The following TULP4 variants were observed in gnomAD, a reference collection of about 807,000 sequenced individuals.
TULP4 encodes the protein TUB like protein 4, also known as tubby-related protein 4.
Under a neutral mutation model 129.0 loss-of-function variants are expected in TULP4, and 16 were observed. The observed-to-expected ratio is 0.12, with a 90% CI of 0.08 to 0.19. The LOEUF (loss-of-function observed/expected upper bound fraction) is 0.19, where lower values mean the gene tolerates loss of function less well. TULP4 is among the 10% of genes least tolerant of loss of function. The pLI is 1.00. For missense variants in TULP4, 1,842 were observed against 2,059.1 expected (o/e 0.89, Z 2.04); for synonymous variants, 998 against 854.0 (o/e 1.17, Z -2.94).
At chr6:158,273,392 C>T (rs920722521) in intron 1 of TULP4, among the ~76,000 whole-genome samples, 1 of 152,166 alleles carries the variant, frequency 6.6e-6, no homozygotes, top group Non-Finnish European at 1.5e-5. Context: ...GCCTTTCCTC[C>T]ATCCTCATCC....
intron 7 of TULP4, among the ~76,000 whole-genome samples, chr6:158,480,576 A>T (rs1779918450): frequency 6.6e-6 from 1 of 151,916 alleles, no homozygotes. Context: ...GGTCCCCCTA[A>T]CCTTGGGTTT....
At position 158,385,723 on chromosome 6, in the gene TULP4, GT is replaced by G. The variant is rs66529574; in HGVS notation, c.253-27330del. Among the ~76,000 whole-genome samples, 861 of 141,888 alleles carry G rather than the reference GT, an allele frequency of 6.1e-3. 6 individuals carry two copies. The highest frequency in any genetic ancestry group is 0.02 in the African/African-American group (770 of 38,988). 93.1% of individuals were successfully genotyped at this position (141,888 alleles called of 152,430 possible). A position where few individuals can be genotyped will look rare whatever the true frequency, so the allele number is the denominator to read the frequency against. On this transcript the variant is annotated intron_variant, in intron 1 of 13. Coordinates refer to ENST00000367097, the MANE Select transcript of TULP4 (RefSeq NM_020245.5). Reference sequence around the variant, plus strand: ...AGTGTGTGGTATGTAAGTTTCCTGGGTTTTTTTTTTTTAAGTTCCTTATAAC... The same window carrying G: ...AGTGTGTGGTATGTAAGTTTCCTGGGTTTTTTTTTTTAAGTTCCTTATAAC...
At chr6:158,253,493 A>G (rs1050887889) in intron 1 of TULP4, among the ~76,000 whole-genome samples, 1 of 152,142 alleles carries the variant, frequency 6.6e-6, no homozygotes, top group Non-Finnish European at 1.5e-5. Context: ...GAGTGGCTTC[A>G]TGTCAGGTGG....
At chr6:158,476,821 C>T (rs111653179) in intron 6 of TULP4, among the ~76,000 whole-genome samples, 9 of 152,236 alleles carry the variant, frequency 5.9e-5, no homozygotes, top group South Asian at 4.1e-4. Flanking sequence ...TGGAGTATTA[C>T]GCATTCTTTA....
intron 3 of TULP4, among the ~76,000 whole-genome samples, chr6:158,441,828 G>A (rs1267849598): frequency 2.0e-5 from 3 of 152,158 alleles, no homozygotes; most frequent in East Asian, 3.8e-4. Context: ...TCAAGGCTGT[G>A]TCCCGAGGAT....
chr6:158,316,716 T>A (rs1779500943), intron 1 of TULP4, among the ~76,000 whole-genome samples: 1 of 152,208 alleles, frequency 6.6e-6, no homozygotes, highest in Admixed American at 6.5e-5. Flanking sequence ...TGTTATGGTA[T>A]GTCTGGGGCC....
rs1327576619 is a variant in TULP4 at position 158,494,863 on chromosome 6, C to G, written c.1870+17C>G. ...TCGGTGCAGGTAAAAATCATGTCCT[C>G]TTCTCTCATTGTCCCAGTTGGAACA... On this transcript the variant is annotated intron_variant, in intron 11 of 13. Transcript: ENST00000367097. The G allele has an allele frequency of 6.2e-7, 1 of 1,608,882 alleles. No homozygotes were observed. The highest frequency in any genetic ancestry group is 1.3e-5 in the African/African-American group (1 of 74,820).
At chr6:158,339,879 A>G (rs1214801046) in intron 1 of TULP4, among the ~76,000 whole-genome samples, 1 of 152,240 alleles carries the variant, frequency 6.6e-6, no homozygotes, top group Non-Finnish European at 1.5e-5. Context: ...AGATGACAGG[A>G]TTAAGAGATT....
At chr6:158,423,756 T>C (rs1236488437) in intron 2 of TULP4, among the ~76,000 whole-genome samples, 1 of 152,124 alleles carries the variant, frequency 6.6e-6, no homozygotes, top group Non-Finnish European at 1.5e-5. Flanking sequence ...TTCTCCTGCC[T>C]CAGCCTCCCA....
intron 3 of TULP4, among the ~76,000 whole-genome samples, chr6:158,448,202 G>A (rs985040539): frequency 6.6e-6 from 1 of 152,138 alleles, no homozygotes; most frequent in Admixed American, 6.5e-5. Flanking sequence ...GTATTACCCA[G>A]CATGCTCCTG....
At chr6:158,255,119 C>G (rs975019723) in intron 1 of TULP4, among the ~76,000 whole-genome samples, 2 of 152,098 alleles carry the variant, frequency 1.3e-5, no homozygotes, top group Non-Finnish European at 2.9e-5. Context: ...TGTCCCTTGT[C>G]TTACTCCCTC....
In TULP4 at chr6:158,363,780, A is replaced by C. The variant is rs1324101411; in HGVS notation, c.253-49285A>C. ...GATTACAGGCGTGAGCCACCGCGCA[A>C]GGCCGCGTGTTTTTTTTTTCTTTTA... On this transcript the variant is annotated intron_variant, in intron 1 of 13. Coordinates refer to ENST00000367097, the MANE Select transcript of TULP4 (RefSeq NM_020245.5). Among the ~76,000 whole-genome samples, 11 of 151,132 alleles carry C rather than the reference A, an allele frequency of 7.3e-5. No individual in the cohort carries two copies. The South Asian group carries it at 2.1e-3, about 29-fold the overall frequency.
chr6:158,381,394 A>G (rs1010156249), intron 1 of TULP4, among the ~76,000 whole-genome samples: 2 of 152,218 alleles, frequency 1.3e-5, no homozygotes, highest in Non-Finnish European at 2.9e-5. Flanking sequence ...TATTTCAGCA[A>G]AGCTCATTAA....
chr6:158,365,169 T>G lies in TULP4; in HGVS notation c.253-47896T>G, dbSNP rs974058869. Among the ~76,000 whole-genome samples, 14 of 152,076 alleles carry G rather than the reference T, an allele frequency of 9.2e-5. 1 individual carries two copies. Among genetic ancestry groups the G allele is most frequent in the Admixed American group, 9.2e-4 (14 of 15,270 alleles). On this transcript the variant is annotated intron_variant, in intron 1 of 13. Transcript: ENST00000367097. Reference sequence around the variant, plus strand: ...TCCCCACCACTCCTTCTAGCTTTATTTCTGGAAATCCTACTAGATGTGTTT... The same window carrying G: ...TCCCCACCACTCCTTCTAGCTTTATGTCTGGAAATCCTACTAGATGTGTTT...
chr6:158,325,573 C>T (rs958411509), intron 1 of TULP4, among the ~76,000 whole-genome samples: 1 of 152,080 alleles, frequency 6.6e-6, no homozygotes, highest in Non-Finnish European at 1.5e-5. Flanking sequence ...AGGATGGTCT[C>T]AATCTCCTGA....
At chr6:158,255,248 G>T (rs1324108424) in intron 1 of TULP4, among the ~76,000 whole-genome samples, 2 of 152,122 alleles carry the variant, frequency 1.3e-5, no homozygotes, top group Non-Finnish European at 2.9e-5. Flanking sequence ...ACCAGAGCAT[G>T]TACCCTAAAT....
chr6:158,464,419 A>G (rs905916832), intron 6 of TULP4, among the ~76,000 whole-genome samples: 1 of 152,218 alleles, frequency 6.6e-6, no homozygotes, highest in Admixed American at 6.5e-5. Context: ...GCTTGAAGTC[A>G]GGAGAAACAA....
At chr6:158,275,193 A>G (rs901064115) in intron 1 of TULP4, among the ~76,000 whole-genome samples, 1 of 152,202 alleles carries the variant, frequency 6.6e-6, no homozygotes, top group Non-Finnish European at 1.5e-5. Flanking sequence ...CCCACGCGCT[A>G]CAAGTGTCCC....
chr6:158,430,018 C>A, intron 3 of TULP4, 121 bp downstream of exon 3: 2 of 929,880 alleles, frequency 2.2e-6, no homozygotes, highest in Non-Finnish European at 3.0e-6. Flanking sequence ...TGGAAAAGAA[C>A]AATAAAACTG....
Sources: allele counts gnomAD v4.1 joint callset (sites outside exome capture counted in the v4.1 genomes callset), GRCh38; gene constraint gnomAD v4.1.1; transcripts MANE v1.5; gene names NCBI Gene and HGNC (gene_info 2026-07-23, HGNC 2026-07-21).